ZBTB8OS: variants seen among roughly 807,000 people sequenced by gnomAD.
ZBTB8OS encodes tRNA-splicing ligase-activating factor archease.
A neutral mutation model predicts 29.3 loss-of-function variants in ZBTB8OS; 16 were observed. The observed-to-expected ratio is 0.55, with a 90% CI of 0.37 to 0.83. ZBTB8OS has a LOEUF of 0.83. ZBTB8OS is among the 40% of genes least tolerant of loss of function. The pLI, the probability that ZBTB8OS is intolerant of heterozygous loss-of-function variation, is 0.00. For synonymous variants in ZBTB8OS, 70 were observed against 64.6 expected (o/e 1.08, Z -0.40); for missense variants, 160 against 196.9 (o/e 0.81, Z 1.12).
intron 1 of ZBTB8OS, among the ~76,000 whole-genome samples, chr1:32,646,102 C>T (rs1246369707): frequency 6.6e-6 from 1 of 152,068 alleles, no homozygotes; most frequent in African/African-American, 2.4e-5. Flanking sequence ...GACAGATCAT[C>T]TGAGGTCAGG....
At chr1:32,641,269 T>G (rs946594466) in intron 1 of ZBTB8OS, among the ~76,000 whole-genome samples, 1 of 114,700 alleles carries the variant, frequency 8.7e-6, no homozygotes, top group African/African-American at 4.7e-5. Context: ...ACACAAGTTT[T>G]TTTTTTTTTT....
chr1:32,644,704 CTTTTTTTTT>C (rs1190646557), intron 1 of ZBTB8OS, among the ~76,000 whole-genome samples: 1 of 105,598 alleles, frequency 9.5e-6, no homozygotes, highest in Non-Finnish European at 1.8e-5. Context: ...CCACACCCAG[CTTTTTTTTT>C]TTTTTTTTTT....
chr1:32,633,736 G>C lies in ZBTB8OS; in HGVS notation c.245-9C>G, dbSNP rs1252025603. On this transcript the variant is annotated splice_polypyrimidine_tract_variant and intron_variant, in intron 3 of 6. Transcript: ENST00000468695. ...AGACTGTAAGTCATCTCCTACACAA[G>C]ATCAAATAGTATATTTAATAATTCT... The C allele has an allele frequency of 6.4e-7, 1 of 1,572,546 alleles. No homozygotes were observed. The highest frequency in any genetic ancestry group is 8.6e-7 in the Non-Finnish European group (1 of 1,161,080).
intron 5 of ZBTB8OS, chr1:32,627,887 TA>T: frequency 9.9e-6 from 2 of 201,234 alleles, no homozygotes; most frequent in East Asian, 1.3e-4. Flanking sequence ...ATTAAAAAAA[TA>T]AAAAAAGTTA....
intron 3 of ZBTB8OS, 49 bp from the exon 4 acceptor site, chr1:32,633,776 T>C: frequency 6.7e-7 from 1 of 1,503,384 alleles, no homozygotes; most frequent in East Asian, 2.3e-5. Context: ...TCTAAAAACA[T>C]ACTTGAATTT....
At chr1:32,623,617 C>G (rs1321432250) in intron 6 of ZBTB8OS, among the ~76,000 whole-genome samples, 1 of 152,152 alleles carries the variant, frequency 6.6e-6, no homozygotes, top group Non-Finnish European at 1.5e-5. Context: ...GTACTTGATC[C>G]TATACTCCCC....
chr1:32,637,017 T>A (rs1646019827), intron 1 of ZBTB8OS, among the ~76,000 whole-genome samples: 1 of 152,030 alleles, frequency 6.6e-6, no homozygotes. Flanking sequence ...GAATTCTAAT[T>A]TCCACACTGT....
intron 1 of ZBTB8OS, chr1:32,639,837 A>C (rs1646265081): frequency 6.6e-6 from 1 of 152,202 alleles, no homozygotes. Context: ...AAATATTTTA[A>C]ATGTCTGGCA....
In ZBTB8OS at chr1:32,647,266, C is replaced by CAAAAAA. The variant is rs71006348; in HGVS notation, c.97+3161_97+3166dup. Among the ~76,000 whole-genome samples the CAAAAAA allele has an allele frequency of 9.2e-3, 1,241 of 134,364 alleles. 2 individuals carry two copies. The highest frequency in any genetic ancestry group is 0.015 in the Non-Finnish European group (998 of 65,076). 88.1% of individuals were successfully genotyped at this position (134,364 alleles called of 152,430 possible). ...ACCTGTAATCCCAGCTACTCTGTCT[C>CAAAAAA]AAAAAAAAAAAAAAAAAAAAATTAG... On this transcript the variant is annotated intron_variant, in intron 1 of 6. Transcript: ENST00000468695.
intron 1 of ZBTB8OS, among the ~76,000 whole-genome samples, chr1:32,642,197 C>T (rs536743145): frequency 6.1e-4 from 93 of 152,128 alleles, no homozygotes; most frequent in African/African-American, 2.2e-3. Context: ...AAGCATGTTT[C>T]TTTGCCATAT....
chr1:32,639,127 A>G (rs761621959), intron 1 of ZBTB8OS, among the ~76,000 whole-genome samples: 7 of 151,784 alleles, frequency 4.6e-5, no homozygotes, highest in Non-Finnish European at 8.8e-5. Flanking sequence ...GTGAAACTCC[A>G]TCTCTACTAA....
intron 6 of ZBTB8OS, among the ~76,000 whole-genome samples, chr1:32,624,262 C>T (rs1644949155): frequency 6.6e-6 from 1 of 152,172 alleles, no homozygotes; most frequent in Non-Finnish European, 1.5e-5. Flanking sequence ...ACCACTCTTA[C>T]CTTATCCTGA....
intron 6 of ZBTB8OS, among the ~76,000 whole-genome samples, chr1:32,623,923 C>G (rs553296322): frequency 1.8e-4 from 27 of 152,274 alleles, no homozygotes; most frequent in African/African-American, 6.5e-4. Context: ...AGGGAGGGAG[C>G]AGGTGGAGAT....
At position 32,642,107 on chromosome 1, in the gene ZBTB8OS, C is replaced by T. The variant is rs556936126; in HGVS notation, c.98-7315G>A. Reference sequence around the variant, plus strand: ...AAGTATTTTATTTAACCCTATACATCGTGACTTACTTTCTAACCTGAGTCT... The same window carrying T: ...AAGTATTTTATTTAACCCTATACATTGTGACTTACTTTCTAACCTGAGTCT... On this transcript the variant is annotated intron_variant, in intron 1 of 6. Coordinates refer to ENST00000468695, the MANE Select transcript of ZBTB8OS (RefSeq NM_178547.5). Among the ~76,000 whole-genome samples the T allele has an allele frequency of 2.0e-3, 298 of 152,150 alleles. 1 individual carries two copies. Among genetic ancestry groups the T allele is most frequent in the Admixed American group, 3.2e-3 (49 of 15,262 alleles).
upstream of ZBTB8OS, chr1:32,650,858 C>T: frequency 2.0e-6 from 1 of 492,006 alleles, no homozygotes; most frequent in Admixed American, 3.7e-5. Flanking sequence ...GATAACTAGA[C>T]CCGAAGGCAT....
At chr1:32,630,124 T>C (rs1489816943) in intron 5 of ZBTB8OS, among the ~76,000 whole-genome samples, 1 of 152,004 alleles carries the variant, frequency 6.6e-6, no homozygotes, top group Non-Finnish European at 1.5e-5. Context: ...TAATAAAAGA[T>C]CTCACTTTAC....
At chr1:32,639,727 T>C (rs985856656) in intron 1 of ZBTB8OS, among the ~76,000 whole-genome samples, 2 of 152,020 alleles carry the variant, frequency 1.3e-5, no homozygotes. Context: ...TGAGCTGCAT[T>C]CCAGTGTGGG....
chr1:32,630,782 C>T (rs112437367), intron 5 of ZBTB8OS, among the ~76,000 whole-genome samples: 16 of 151,772 alleles, frequency 1.1e-4, no homozygotes, highest in Admixed American at 7.9e-4. Flanking sequence ...AGGGCTGATG[C>T]GGGCAGATCA....
At chr1:32,637,302 G>A (rs182420932) in intron 1 of ZBTB8OS, among the ~76,000 whole-genome samples, 4 of 152,234 alleles carry the variant, frequency 2.6e-5, no homozygotes, top group East Asian at 1.9e-4. Flanking sequence ...GGTGGCTCAC[G>A]CCTGTAATCC....
Sources: gnomAD v4.1 joint callset for allele counts (sites outside exome capture counted in the v4.1 genomes callset) on GRCh38, gnomAD v4.1.1 for gene constraint, MANE v1.5 for transcripts, NCBI Gene and HGNC (gene_info 2026-07-23, HGNC 2026-07-21) for gene names.